The following TMEM114 variants were observed in gnomAD, a reference collection of about 807,000 sequenced individuals.
TMEM114 encodes transmembrane protein 114, also known as claudin-26.
Under a neutral mutation model 6.2 loss-of-function variants are expected in TMEM114, and 6 were observed. That is an observed-to-expected ratio of 0.97 (90% confidence interval 0.53 to 1.91). The LOEUF (loss-of-function observed/expected upper bound fraction) is 1.91. Among genes scored for constraint, TMEM114 ranks in the 40% most tolerant of loss-of-function variants. The pLI is 0.01. For synonymous variants in TMEM114, 104 were observed against 73.0 expected, an observed-to-expected ratio of 1.42 and a Z score of -2.16; for missense variants, 218 against 158.3, an observed-to-expected ratio of 1.38 and a Z score of -2.02.
At chr16:8,529,046 C>T in the TMEM114 span, among the ~76,000 whole-genome samples, 1 of 152,204 alleles carries the variant, frequency 6.6e-6, no homozygotes, top group Admixed American at 6.5e-5. Flanking sequence ...GGGAAAGGCA[C>T]TCTCAGAAGA....
the TMEM114 span, among the ~76,000 whole-genome samples, chr16:8,531,387 T>G: frequency 1.3e-5 from 2 of 152,210 alleles, no homozygotes; most frequent in African/African-American, 2.4e-5. Context: ...AACCCCCTCC[T>G]TGGAACACTG....
intron 2 of TMEM114, among the ~76,000 whole-genome samples, chr16:8,582,656 G>A (rs549237909): frequency 1.3e-5 from 2 of 152,112 alleles, no homozygotes; most frequent in African/African-American, 2.4e-5. Context: ...TTGGGAGGCC[G>A]AGGCGGGTGG....
At chr16:8,579,130 A>T (rs565206703) in intron 2 of TMEM114, among the ~76,000 whole-genome samples, 3 of 152,348 alleles carry the variant, frequency 2.0e-5, no homozygotes, top group African/African-American at 7.2e-5. Flanking sequence ...TGTTCACACC[A>T]AAAACAAACA....
chr16:8,546,772 C>G (rs1470928931), intron 2 of TMEM114, among the ~76,000 whole-genome samples: 1 of 152,232 alleles, frequency 6.6e-6, no homozygotes, highest in Non-Finnish European at 1.5e-5. Context: ...GCAATCAGAG[C>G]ACACCAAGTC....
the TMEM114 span, among the ~76,000 whole-genome samples, chr16:8,529,211 TTC>T: frequency 5.3e-5 from 8 of 152,170 alleles, no homozygotes; most frequent in Admixed American, 5.2e-4. Flanking sequence ...TGAAGGTTAT[TTC>T]TCTCTTATCA....
intron 2 of TMEM114, among the ~76,000 whole-genome samples, chr16:8,574,661 T>A (rs1324448699): frequency 6.6e-6 from 1 of 151,316 alleles, no homozygotes; most frequent in Non-Finnish European, 1.5e-5. Context: ...AAAAACCTAG[T>A]CCTTTAAAAT....
intron 2 of TMEM114, among the ~76,000 whole-genome samples, chr16:8,541,710 A>G (rs533791256): frequency 1.1e-4 from 16 of 152,346 alleles, no homozygotes; most frequent in South Asian, 6.2e-4. Flanking sequence ...TGAAAATTTC[A>G]TATTCTCCAT....
intron 2 of TMEM114, among the ~76,000 whole-genome samples, chr16:8,577,892 C>T (rs1459692447): frequency 2.0e-5 from 3 of 152,130 alleles, no homozygotes; most frequent in Admixed American, 6.5e-5. Context: ...TTTTCAAAAG[C>T]ACTGAACTCA....
chr16:8,561,885 TG>T, intron 2 of TMEM114, among the ~76,000 whole-genome samples: 5 of 141,980 alleles, frequency 3.5e-5, no homozygotes, highest in African/African-American at 9.9e-5. Context: ...AGTGAATGAG[TG>T]AGTGAATGAG....
At chr16:8,560,591 G>C (rs1480198415) in intron 2 of TMEM114, among the ~76,000 whole-genome samples, 5 of 152,178 alleles carry the variant, frequency 3.3e-5, no homozygotes, top group Non-Finnish European at 7.3e-5. Flanking sequence ...GGATGTCAAA[G>C]GGAGATTCTG....
chr16:8,537,426 G>A (rs922093967), downstream of TMEM114, among the ~76,000 whole-genome samples: 9 of 152,194 alleles, frequency 5.9e-5, 1 homozygote, highest in South Asian at 4.1e-4. Context: ...GCTTGAACCC[G>A]GGAGGCAGAG....
downstream of TMEM114, among the ~76,000 whole-genome samples, chr16:8,535,534 A>G (rs917931431): frequency 3.3e-5 from 5 of 152,192 alleles, no homozygotes. Context: ...TACTTTTTTA[A>G]TACATTTGCC....
chr16:8,550,841 C>G (rs1900819770), intron 2 of TMEM114, among the ~76,000 whole-genome samples: 1 of 152,186 alleles, frequency 6.6e-6, no homozygotes, highest in Non-Finnish European at 1.5e-5. Context: ...CTTCTTCACC[C>G]TGTGGTCCTC....
chr16:8,586,565 A>G (rs1403544621), intron 2 of TMEM114, among the ~76,000 whole-genome samples: 4 of 151,102 alleles, frequency 2.6e-5, no homozygotes, highest in Non-Finnish European at 4.4e-5. Flanking sequence ...ACTGGAGTGC[A>G]GTGGTGCAAT....
chr16:8,590,098 A>T lies in TMEM114; in HGVS notation c.-260T>A, dbSNP rs1235438397. ...CCCCTCCAATGCCAGCTCTACCTGCAGACCCCCTCACTCTCACTTGTGCTG... is the reference window on the plus strand; with the variant it reads ...CCCCTCCAATGCCAGCTCTACCTGCTGACCCCCTCACTCTCACTTGTGCTG... On this transcript the variant is annotated 5_prime_UTR_variant, in exon 1 of 4. Coordinates refer to ENST00000620492, the MANE Select transcript of TMEM114 (RefSeq NM_001146336.2). The T allele has an allele frequency of 2.8e-6, 1 of 354,792 alleles. No individual in the cohort carries two copies. The highest frequency in any genetic ancestry group is 5.0e-6 in the Non-Finnish European group (1 of 199,106). 22.0% of individuals were successfully genotyped at this position (354,792 alleles called of 1,614,324 possible).
chr16:8,572,764 G>A (rs969212665), intron 2 of TMEM114, among the ~76,000 whole-genome samples: 6 of 152,182 alleles, frequency 3.9e-5, no homozygotes, highest in African/African-American at 4.8e-5. Flanking sequence ...GAGAGAAGCC[G>A]CAATGCAGAT....
chr16:8,566,906 T>G (rs1034598255), downstream of TMEM114, among the ~76,000 whole-genome samples: 5 of 146,432 alleles, frequency 3.4e-5, no homozygotes, highest in African/African-American at 1.0e-4. Context: ...GGTTTTTTTT[T>G]TTTTTTTTTT....
chr16:8,552,558 G>C (rs935374250), intron 2 of TMEM114, among the ~76,000 whole-genome samples: 12 of 151,952 alleles, frequency 7.9e-5, no homozygotes, highest in African/African-American at 2.9e-4. Context: ...TTAACTAACA[G>C]TATTGCAATG....
At chr16:8,549,671 G>A (rs1478519504) in intron 2 of TMEM114, among the ~76,000 whole-genome samples, 1 of 152,058 alleles carries the variant, frequency 6.6e-6, no homozygotes, top group African/African-American at 2.4e-5. Context: ...ATAGGAAATG[G>A]TAGTGATTAT....
Sources: allele counts gnomAD v4.1 joint callset (sites outside exome capture counted in the v4.1 genomes callset), GRCh38; gene constraint gnomAD v4.1.1; transcripts MANE v1.5; gene names NCBI Gene and HGNC (gene_info 2026-07-23, HGNC 2026-07-21).